ACOT7: variants seen among roughly 807,000 people sequenced by gnomAD.
ACOT7 encodes acyl-CoA thioesterase 7, also known as cytosolic acyl coenzyme A thioester hydrolase.
ACOT7 carries 12 observed loss-of-function variants against 40.2 expected under a neutral mutation model. The ratio of observed to expected loss-of-function variants is 0.30; its 90% CI spans 0.19 to 0.48. The LOEUF is 0.48. Among genes scored for constraint, ACOT7 ranks in the 20% least tolerant of loss-of-function variants. The pLI is 0.99. For synonymous variants in ACOT7, 228 were observed against 219.5 expected, an observed-to-expected ratio of 1.04 and a Z score of -0.34; for missense variants, 395 against 530.8, an observed-to-expected ratio of 0.74 and a Z score of 2.51.
chr1:6,323,733 AAAAAATATAT>A (rs1385977165), intron 5 of ACOT7, among the ~76,000 whole-genome samples: 12 of 76,890 alleles, frequency 1.6e-4, no homozygotes, highest in East Asian at 5.7e-4. Flanking sequence ...AAAAAAAAAA[AAAAAATATAT>A]ATATATATAT....
At chr1:6,314,508 G>A (rs183893982) in intron 6 of ACOT7, among the ~76,000 whole-genome samples, 1 of 152,190 alleles carries the variant, frequency 6.6e-6, no homozygotes, top group East Asian at 1.9e-4. Flanking sequence ...GCTACCGGCT[G>A]ACCCCCAAGA....
At chr1:6,383,919 T>C (rs1642395657) in intron 1 of ACOT7, among the ~76,000 whole-genome samples, 1 of 151,646 alleles carries the variant, frequency 6.6e-6, no homozygotes, top group Non-Finnish European at 1.5e-5. Context: ...TTAGCTAGAA[T>C]GGTCTCGATC....
In ACOT7 at chr1:6,358,996, C is replaced by A; in HGVS notation, c.144-9130G>T. Reference sequence around the variant, plus strand: ...CCCACCCCCAGCTTCCTGAGCTGCCCAATCTGGCCAGGAAGAGGCTGCCTC... The same window carrying A: ...CCCACCCCCAGCTTCCTGAGCTGCCAAATCTGGCCAGGAAGAGGCTGCCTC... On this transcript the variant is annotated intron_variant, in intron 1 of 8. Coordinates refer to ENST00000361521, the MANE Select transcript of ACOT7 (RefSeq NM_007274.4). This position sits in a 1 kb window ranked among gnomAD's most constrained non-coding sequence, Gnocchi z 4.1. The A allele has an allele frequency of 7.3e-7, 1 of 1,361,590 alleles. No individual in the cohort carries two copies. The allele number at this position is 1,361,590 out of a possible 1,614,324, so 84.3% of individuals were successfully genotyped here.
intron 6 of ACOT7, among the ~76,000 whole-genome samples, chr1:6,298,046 A>G (rs1639861471): frequency 6.6e-6 from 1 of 152,216 alleles, no homozygotes; most frequent in Admixed American, 6.5e-5. Flanking sequence ...AGGAGGGGCC[A>G]GGTTCACGCT....
intron 5 of ACOT7, among the ~76,000 whole-genome samples, chr1:6,319,422 ACCT>A (rs1391587523): frequency 1.3e-5 from 2 of 152,112 alleles, no homozygotes; most frequent in Non-Finnish European, 2.9e-5. Context: ...TGAACTCCTG[ACCT>A]CAAGTGATCC....
chr1:6,295,431 C>T (rs1264314160), intron 6 of ACOT7: 1 of 158,374 alleles, frequency 6.3e-6, no homozygotes, highest in South Asian at 1.9e-4. Flanking sequence ...ACAGAGGGAC[C>T]GTATAACCTA....
chr1:6,356,172 AC>A (rs1486090290), intron 1 of ACOT7, among the ~76,000 whole-genome samples: 1 of 152,124 alleles, frequency 6.6e-6, no homozygotes, highest in Non-Finnish European at 1.5e-5. Flanking sequence ...TCGACATGAG[AC>A]ACAGGAGGTC....
rs111481499 is a variant in ACOT7 at position 6,358,014 on chromosome 1, G to A, written c.144-8148C>T. ...CCCAAGTAGCTGGGATTACAGGTGC[G>A]TGCCACCATGCCTGGCTAATTTTTG... On this transcript the variant is annotated intron_variant, in intron 1 of 8. Coordinates refer to ENST00000361521, the MANE Select transcript of ACOT7 (RefSeq NM_007274.4). The surrounding 1 kb of genome is among the most constrained non-coding windows in gnomAD (Gnocchi z 4.1). Among the ~76,000 whole-genome samples the A allele has an allele frequency of 7.9e-5, 12 of 152,066 alleles. No homozygotes were observed. Among genetic ancestry groups the A allele is most frequent in the Admixed American group, 1.3e-4 (2 of 15,268 alleles).
chr1:6,351,895 C>T (rs888062735), intron 1 of ACOT7, among the ~76,000 whole-genome samples: 1 of 152,244 alleles, frequency 6.6e-6, no homozygotes, highest in African/African-American at 2.4e-5. Context: ...GCCTTTAAGA[C>T]AGAAGACCAG....
intron 1 of ACOT7, chr1:6,385,815 C>G (rs1642430022): frequency 7.1e-7 from 1 of 1,412,258 alleles, no homozygotes; most frequent in Non-Finnish European, 9.2e-7. Flanking sequence ...CTAGGACCGC[C>G]CCTCCCCCAC....
chr1:6,308,052 G>A (rs1350835290), intron 6 of ACOT7, among the ~76,000 whole-genome samples: 3 of 150,298 alleles, frequency 2.0e-5, no homozygotes, highest in Non-Finnish European at 4.4e-5. Flanking sequence ...CAGGCAGAAG[G>A]AACAGCCACA....
chr1:6,279,358 G>C lies in ACOT7; in HGVS notation c.1014+1744C>G, dbSNP rs373585257. ...TACAAGTAAATGGGGAGGGGTGGGG[G>C]CAGATGAGGGAGGAAGGAGCAGGCA... On this transcript the variant is annotated intron_variant, in intron 8 of 8. Coordinates refer to ENST00000361521, the MANE Select transcript of ACOT7 (RefSeq NM_007274.4). Among the ~76,000 whole-genome samples, 280 of 152,310 alleles carry C rather than the reference G, an allele frequency of 1.8e-3. 2 individuals carry two copies. The highest frequency in any genetic ancestry group is 6.0e-3 in the African/African-American group (251 of 41,572).
intron 8 of ACOT7, among the ~76,000 whole-genome samples, chr1:6,279,043 C>T (rs976468147): frequency 3.3e-5 from 5 of 152,198 alleles, no homozygotes; most frequent in African/African-American, 7.2e-5. Context: ...CGCTGAAAAG[C>T]GTCATGGGAG....
chr1:6,265,306 G>A (rs1460184820), intron 8 of ACOT7, among the ~76,000 whole-genome samples: 1 of 152,220 alleles, frequency 6.6e-6, no homozygotes, highest in African/African-American at 2.4e-5. Flanking sequence ...AGAGAAGTGG[G>A]GAAAGCCAGC....
At chr1:6,372,550 T>C (rs1642150468) in intron 1 of ACOT7, among the ~76,000 whole-genome samples, 4 of 149,036 alleles carry the variant, frequency 2.7e-5, no homozygotes, top group Admixed American at 6.7e-5. Flanking sequence ...TGTCTAACTT[T>C]TGGCTTTTTT....
At chr1:6,272,346 C>G (rs559204069) in intron 8 of ACOT7, among the ~76,000 whole-genome samples, 1 of 152,364 alleles carries the variant, frequency 6.6e-6, no homozygotes, top group South Asian at 2.1e-4. Context: ...AGTACTTCTG[C>G]TCAATGAACA....
In ACOT7 at chr1:6,301,690, C is replaced by T. The variant is rs975126665; in HGVS notation, c.713-6710G>A. ...AACCAGCCCAAGCAAGCTGCCCCAG[C>T]CACAAAGTATGTGGCTCCTTCAGGC... On this transcript the variant is annotated intron_variant, in intron 6 of 8. Coordinates refer to ENST00000361521, the MANE Select transcript of ACOT7 (RefSeq NM_007274.4). The surrounding 1 kb of genome is among the most constrained non-coding windows in gnomAD (Gnocchi z 4.1). Among the ~76,000 whole-genome samples the T allele has an allele frequency of 6.6e-6, 1 of 152,210 alleles. No homozygotes were observed. The highest frequency in any genetic ancestry group is 2.4e-5 in the African/African-American group (1 of 41,450).
chr1:6,315,859 T>C (rs1268300922), intron 6 of ACOT7, among the ~76,000 whole-genome samples: 1 of 152,036 alleles, frequency 6.6e-6, no homozygotes, highest in Non-Finnish European at 1.5e-5. Context: ...ATAGGCATTA[T>C]TGTAAAGCCA....
Position 6,352,165 on chromosome 1 carries a change from C to G in ACOT7, c.144-2299G>C, listed in dbSNP as rs1268856883. Reference sequence around the variant, plus strand: ...ACCCTCTCCCCTACAGGACCTGACTCCTGCCTGGGGACTGTGCTGTCACCT... The same window carrying G: ...ACCCTCTCCCCTACAGGACCTGACTGCTGCCTGGGGACTGTGCTGTCACCT... On this transcript the variant is annotated intron_variant, in intron 1 of 8. Transcript: ENST00000361521. This position sits in a 1 kb window ranked among gnomAD's most constrained non-coding sequence, Gnocchi z 4.5. The G allele has an allele frequency of 6.6e-6, 1 of 152,550 alleles. No homozygotes were observed. The highest frequency in any genetic ancestry group is 2.4e-5 in the African/African-American group (1 of 41,440). The allele number at this position is 152,550 out of a possible 1,614,324, so 9.4% of individuals were successfully genotyped here. A position where few individuals can be genotyped will look rare whatever the true frequency, so the allele number is the denominator to read the frequency against.
Sources: allele counts gnomAD v4.1 joint callset (sites outside exome capture counted in the v4.1 genomes callset), GRCh38; gene constraint gnomAD v4.1.1; non-coding constraint Gnocchi (gnomAD v3.1); transcripts MANE v1.5; gene names NCBI Gene and HGNC (gene_info 2026-07-23, HGNC 2026-07-21).